LRRC8C: variants seen among roughly 807,000 people sequenced by gnomAD.
The protein encoded by LRRC8C is volume-regulated anion channel subunit LRRC8C.
In LRRC8C, 20 loss-of-function variants were observed where a neutral mutation model predicts 55.3. The ratio of observed to expected loss-of-function variants is 0.36; its 90% CI spans 0.25 to 0.53. The LOEUF is 0.53. Among genes scored for constraint, LRRC8C ranks in the 20% least tolerant of loss-of-function variants. The pLI is 0.92. For missense variants in LRRC8C, 659 were observed against 951.4 expected (o/e 0.69, Z 4.04); for synonymous variants, 376 against 360.7 (o/e 1.04, Z -0.48).
At chr1:89,630,416 G>T (rs1656076712), upstream of LRRC8C, among the ~76,000 whole-genome samples, 1 of 152,186 alleles carries the variant, frequency 6.6e-6, no homozygotes, top group Non-Finnish European at 1.5e-5. Context: ...GCATAGCCCA[G>T]AAATATCTAC....
chr1:89,655,503 G>A (rs1181031644), intron 1 of LRRC8C, among the ~76,000 whole-genome samples: 1 of 152,118 alleles, frequency 6.6e-6, no homozygotes, highest in African/African-American at 2.4e-5. Flanking sequence ...GTTTTGTGCT[G>A]CTATAACAGA....
the LRRC8C span, among the ~76,000 whole-genome samples, chr1:89,625,896 T>C: frequency 6.6e-6 from 1 of 152,214 alleles, no homozygotes; most frequent in African/African-American, 2.4e-5. Context: ...ATATTGTGTA[T>C]GCATAATAAA....
chr1:89,706,149 T>G (rs1327215338), intron 2 of LRRC8C, among the ~76,000 whole-genome samples: 1 of 152,210 alleles, frequency 6.6e-6, no homozygotes, highest in Non-Finnish European at 1.5e-5. Context: ...CTTTTTGTTC[T>G]TGTTGGTATC....
chr1:89,618,274 G>A, the LRRC8C span, among the ~76,000 whole-genome samples: 1 of 152,160 alleles, frequency 6.6e-6, no homozygotes, highest in African/African-American at 2.4e-5. Context: ...GGAATGCAGA[G>A]GGTTTTAAAA....
intron 2 of LRRC8C, among the ~76,000 whole-genome samples, chr1:89,699,046 A>G (rs1177413402): frequency 1.3e-5 from 2 of 151,216 alleles, no homozygotes. Flanking sequence ...AGTGCTAAAA[A>G]TAAAAAATAA....
At chr1:89,659,077 G>GTT (rs1657042392) in intron 1 of LRRC8C, among the ~76,000 whole-genome samples, 1 of 136,316 alleles carries the variant, frequency 7.3e-6, no homozygotes, top group African/African-American at 2.8e-5. Context: ...GTGTGTGTGT[G>GTT]TGTGTGTGTG....
intron 1 of LRRC8C, among the ~76,000 whole-genome samples, chr1:89,638,812 C>T (rs888757270): frequency 7.9e-5 from 12 of 151,988 alleles, no homozygotes; most frequent in South Asian, 2.1e-4. Context: ...GGAAGCCCTC[C>T]GCAAACTTCA....
At position 89,714,657 on chromosome 1, in the gene LRRC8C, G is replaced by T. The variant is rs764308538; in HGVS notation, c.2087G>T (p.Arg696Leu). 6.2e-7 allele frequency: 1 copy of T among 1,614,052 alleles called. No homozygotes were observed. Among genetic ancestry groups the T allele is most frequent in the African/African-American group, 1.3e-5 (1 of 74,992 alleles). Residue 696 changes from arginine to leucine, a missense_variant, in exon 3 of 3, where the codon CGA (arginine) becomes CTA (leucine). By Grantham distance (102) the Arg-to-Leu change is moderately radical. This residue lies in a region of LRRC8C where 344 missense variants were observed against 464.6 expected (regional missense o/e 0.74). Coordinates refer to ENST00000370454, the MANE Select transcript of LRRC8C (RefSeq NM_032270.5). This position sits in a 1 kb window ranked among gnomAD's most constrained non-coding sequence, Gnocchi z 4.6. ...RYLDLSYNDI[R>L]FIPPEIGVLQ... is the part of the protein sequence containing the mutation. Reference sequence around the variant, plus strand: ...TTGGACTTATCGTACAATGACATTCGATTTATCCCCCCTGAAATTGGAGTT... The same window carrying T: ...TTGGACTTATCGTACAATGACATTCTATTTATCCCCCCTGAAATTGGAGTT...
intron 1 of LRRC8C, 60 bp downstream of exon 1, chr1:89,633,382 C>T (rs1186394155): frequency 1.3e-5 from 2 of 152,432 alleles, no homozygotes; most frequent in African/African-American, 4.8e-5. Context: ...GCCACCCGCT[C>T]GGTCCGCTGT....
intron 2 of LRRC8C, among the ~76,000 whole-genome samples, chr1:89,687,098 G>A (rs1657905764): frequency 6.6e-6 from 1 of 152,214 alleles, no homozygotes; most frequent in Admixed American, 6.5e-5. Context: ...TAGATGCCAT[G>A]TATTTATGTA....
intron 1 of LRRC8C, among the ~76,000 whole-genome samples, chr1:89,661,820 G>A (rs756948466): frequency 1.3e-5 from 2 of 152,212 alleles, no homozygotes; most frequent in South Asian, 2.1e-4. Flanking sequence ...GAGATATGGT[G>A]TGATATTAAA....
intron 2 of LRRC8C, among the ~76,000 whole-genome samples, chr1:89,702,456 C>T (rs910944825): frequency 2.6e-5 from 4 of 151,948 alleles, no homozygotes; most frequent in African/African-American, 7.3e-5. Flanking sequence ...AAGTAGGGGC[C>T]GGGTACCGTG....
the LRRC8C span, among the ~76,000 whole-genome samples, chr1:89,623,588 G>A: frequency 2.0e-5 from 3 of 152,172 alleles, no homozygotes; most frequent in Non-Finnish European, 4.4e-5. Flanking sequence ...CGGGCATGGT[G>A]GCATGTGCCT....
chr1:89,640,032 A>C (rs1018718526), intron 1 of LRRC8C, among the ~76,000 whole-genome samples: 8 of 152,234 alleles, frequency 5.3e-5, no homozygotes, highest in African/African-American at 1.9e-4. Context: ...TAAACTAAAA[A>C]TGTGAAAACT....
At chr1:89,661,742 A>G (rs1263139141) in intron 1 of LRRC8C, among the ~76,000 whole-genome samples, 2 of 152,196 alleles carry the variant, frequency 1.3e-5, no homozygotes, top group Non-Finnish European at 2.9e-5. Flanking sequence ...TATATATAGT[A>G]TGTTCAAAGG....
At chr1:89,671,149 A>G (rs769353221) in intron 1 of LRRC8C, among the ~76,000 whole-genome samples, 8 of 151,916 alleles carry the variant, frequency 5.3e-5, no homozygotes, top group Non-Finnish European at 8.8e-5. Context: ...CTGCATCCTT[A>G]AACTCCTGGT....
intron 1 of LRRC8C, among the ~76,000 whole-genome samples, chr1:89,676,693 T>C (rs1276790691): frequency 6.6e-6 from 1 of 152,228 alleles, no homozygotes; most frequent in Non-Finnish European, 1.5e-5. Flanking sequence ...AGATGAGATA[T>C]AAATTCTATC....
intron 1 of LRRC8C, among the ~76,000 whole-genome samples, chr1:89,639,199 A>G (rs1656387012): frequency 6.6e-6 from 1 of 151,880 alleles, no homozygotes; most frequent in African/African-American, 2.4e-5. Flanking sequence ...GTTGGCCAGG[A>G]TGGTCTCGAT....
chr1:89,657,723 G>C (rs1656989871), intron 1 of LRRC8C, among the ~76,000 whole-genome samples: 2 of 124,546 alleles, frequency 1.6e-5, no homozygotes, highest in Non-Finnish European at 1.6e-5. Context: ...CTGGGTGACA[G>C]AGTGAGACTC....
Sources: allele counts gnomAD v4.1 joint callset (sites outside exome capture counted in the v4.1 genomes callset), GRCh38; gene constraint gnomAD v4.1.1; regional missense constraint gnomAD v4.1.1; non-coding constraint Gnocchi (gnomAD v3.1); transcripts MANE v1.5; gene names NCBI Gene and HGNC (gene_info 2026-07-23, HGNC 2026-07-21).